The following CYP2A13 variants were observed in gnomAD, a reference collection of about 807,000 sequenced individuals.
CYP2A13 encodes cytochrome P450 family 2 subfamily A member 13.
A neutral mutation model predicts 39.4 loss-of-function variants in CYP2A13; 30 were observed. The observed-to-expected ratio is 0.76, with a 90% CI of 0.57 to 1.03. The LOEUF is 1.03. Ranked by LOEUF, CYP2A13 falls within the 50% of genes least tolerant of loss-of-function variation. The pLI, the probability that CYP2A13 is intolerant of heterozygous loss-of-function variation, is 0.00. For missense variants in CYP2A13, 731 were observed against 648.4 expected (o/e 1.13, Z -1.38); for synonymous variants, 269 against 254.7 (o/e 1.06, Z -0.54).
intron 7 of CYP2A13, 33 bp from the exon 8 acceptor site, chr19:41,094,926 C>T: frequency 6.2e-7 from 1 of 1,612,194 alleles, no homozygotes; most frequent in Non-Finnish European, 8.5e-7. Context: ...CCCCAACCTG[C>T]CTCATTACAC....
At chr19:41,095,377 G>A (rs757582047) in intron 8 of CYP2A13, among the ~76,000 whole-genome samples, 5 of 152,170 alleles carry the variant, frequency 3.3e-5, no homozygotes, top group African/African-American at 9.7e-5. Flanking sequence ...TAATGGCACA[G>A]CACAGCAGTC....
chr19:41,089,723 A>G (rs1343684759), intron 2 of CYP2A13, among the ~76,000 whole-genome samples: 1 of 147,662 alleles, frequency 6.8e-6, no homozygotes, highest in East Asian at 2.0e-4. Flanking sequence ...TCCATGGAGT[A>G]TCCCCGTATC....
Position 41,088,941 on chromosome 19 carries a change from T to A in CYP2A13, c.193T>A (p.Tyr65Asn), listed in dbSNP as rs1247369704. ...YNSLMKISER[Y>N]GPVFTIHLGP... is the part of the protein sequence containing the mutation. The stretch of plus-strand genomic sequence containing the variant: ...CTGCCTCCAACAGATCAGTGAGCGC[T>A]ATGGCCCTGTGTTCACCATTCACTT... Residue 65 changes from tyrosine to asparagine, a missense_variant, in exon 2 of 9, where the codon TAT (tyrosine) becomes AAT (asparagine). Physicochemically the swap from Tyr to Asn is moderately radical, Grantham distance 143. Coordinates refer to ENST00000330436, the MANE Select transcript of CYP2A13 (RefSeq NM_000766.5). The A allele has an allele frequency of 1.2e-6, 2 of 1,614,026 alleles. No individual in the cohort carries two copies.
Position 41,095,765 on chromosome 19 carries a change from C to A in CYP2A13, c.1309C>A (p.Arg437=). The A allele has an allele frequency of 6.2e-7, 1 of 1,614,044 alleles. No individual in the cohort carries two copies. Among genetic ancestry groups the A allele is most frequent in the East Asian group, 2.2e-5 (1 of 44,882 alleles). ...CTCCTGCCTCTCCTCCTCAGGAAAG[C>A]GGTACTGTTTTGGAGAAGGCCTGGC... ...DAFVPFSIGK[R]YCFGEGLARM... The change falls in exon 9 of 9, where the codon CGG becomes AGG. Residue 437 remains arginine (R), a synonymous_variant. Coordinates refer to ENST00000330436, the MANE Select transcript of CYP2A13 (RefSeq NM_000766.5).
chr19:41,090,441 A>C lies in CYP2A13; in HGVS notation c.531A>C (p.Thr177=), dbSNP rs59722942. The change falls in exon 4 of 9, where the codon ACA becomes ACC. Residue 177 remains threonine, a synonymous_variant. Coordinates refer to ENST00000330436, the MANE Select transcript of CYP2A13 (RefSeq NM_000766.5). The part of the protein sequence containing the change: ...NIDPTFFLSR[T]VSNVISSIVF... ...ATCCCACCTTCTTCCTGAGCCGCAC[A>C]GTCTCCAATGTCATCAGCTCCATTG... The C allele has an allele frequency of 2.5e-3, 4,074 of 1,614,098 alleles. 60 individuals carry two copies. The African/African-American group carries it at 0.031, about 12-fold the overall frequency.
At chr19:41,089,757 G>A (rs2031127406) in intron 2 of CYP2A13, among the ~76,000 whole-genome samples, 2 of 143,628 alleles carry the variant, frequency 1.4e-5, no homozygotes, top group South Asian at 2.2e-4. Context: ...GCATCTGTCT[G>A]TCTGGCCTTT....
At chr19:41,093,519 C>T in intron 5 of CYP2A13, 111 bp from the exon 6 acceptor site, 1 of 1,392,280 alleles carries the variant, frequency 7.2e-7, no homozygotes, top group Non-Finnish European at 9.9e-7. Context: ...TCTAGGGTCC[C>T]TCTTTCCACC....
Position 41,090,129 on chromosome 19 carries a change from G to C in CYP2A13, c.426G>C (p.Lys142Asn). 4 of 1,605,794 alleles carry C rather than the reference G, an allele frequency of 2.5e-6. No homozygotes were observed. Among genetic ancestry groups the C allele is most frequent in the Non-Finnish European group, 2.6e-6 (3 of 1,176,028 alleles). ...IATLRGFGVG[K>N]RGIEERIQEE... ...CCCTAAGGGGTTTTGGCGTGGGCAA[G>C]CGCGGCATCGAGGAACGCATCCAGG... Residue 142 changes from lysine (K) to asparagine (N), a missense_variant, in exon 3 of 9, where the codon AAG (lysine) becomes AAC (asparagine). Coordinates refer to ENST00000330436, the MANE Select transcript of CYP2A13 (RefSeq NM_000766.5).
At position 41,089,026 on chromosome 19, in the gene CYP2A13, A is replaced by T. The variant is rs755454861; in HGVS notation, c.278A>T (p.Asp93Val). ...GHDAVKEALV[D>V]QAEEFSGRGE... The stretch of plus-strand genomic sequence containing the variant: ...GATGCCGTCAAGGAGGCTCTGGTGG[A>T]CCAGGCTGAGGAGTTCAGCGGGCGA... The change falls in exon 2 of 9, where the codon GAC becomes GTC. Residue 93 changes from aspartate (D) to valine (V), a missense_variant. Transcript: ENST00000330436. 6.2e-7 allele frequency: 1 copy of T among 1,613,636 alleles called. No individual in the cohort carries two copies.
chr19:41,088,723 A>G (rs1599652740), intron 1 of CYP2A13, 72 bp downstream of exon 1: 15 of 1,574,774 alleles, frequency 9.5e-6, no homozygotes, highest in Admixed American at 1.7e-5. Flanking sequence ...GTGGCAGGGG[A>G]TTGACCAGTG....
Position 41,088,464 on chromosome 19 carries a change from C to T in CYP2A13, c.-8C>T, listed in dbSNP as rs1195138802. ...CCAGCCATCACCATCTATCATCCCA[C>T]TGCCACCATGCTGGCCTCAGGGCTG... On this transcript the variant is annotated 5_prime_UTR_variant, in exon 1 of 9. Coordinates refer to ENST00000330436, the MANE Select transcript of CYP2A13 (RefSeq NM_000766.5). 2 of 1,611,572 alleles carry T rather than the reference C, an allele frequency of 1.2e-6. No individual in the cohort carries two copies. The highest frequency in any genetic ancestry group is 8.5e-7 in the Non-Finnish European group (1 of 1,178,362).
chr19:41,091,615 C>A (rs1433161691), intron 4 of CYP2A13, 117 bp from the exon 5 acceptor site: 7 of 1,470,888 alleles, frequency 4.8e-6, no homozygotes, highest in Non-Finnish European at 2.7e-6. Flanking sequence ...TACCTAAACA[C>A]CTGGACAGAT....
In CYP2A13 at chr19:41,094,999, A is replaced by G. The variant is rs1262070379; in HGVS notation, c.1202A>G (p.Asp401Gly). ...CCTATGCTGGGCTCCGTGCTGAGAG[A>G]CCCCAGGTTCTTCTCCAACCCCCGG... Reference protein sequence around the residue: ...VFPMLGSVLRDPRFFSNPRDF... With the variant: ...VFPMLGSVLRGPRFFSNPRDF... The change falls in exon 8 of 9, where the codon GAC (aspartate) becomes GGC (glycine). Residue 401 changes from aspartate to glycine, a missense_variant. By Grantham distance (94) the Asp-to-Gly change is moderately conservative. Transcript: ENST00000330436. 1 of 1,613,810 alleles carries G rather than the reference A, an allele frequency of 6.2e-7. No individual in the cohort carries two copies. The highest frequency in any genetic ancestry group is 2.2e-5 in the East Asian group (1 of 44,858).
chr19:41,093,798 A>C, intron 6 of CYP2A13, 27 bp downstream of exon 6: 2 of 1,612,794 alleles, frequency 1.2e-6, no homozygotes, highest in Non-Finnish European at 1.7e-6. Flanking sequence ...AGGAAAGTGA[A>C]GGGCCCCAGA....
At chr19:41,095,700 G>A in intron 8 of CYP2A13, 60 bp from the exon 9 acceptor site, 1 of 1,596,998 alleles carries the variant, frequency 6.3e-7, no homozygotes, top group Non-Finnish European at 8.6e-7. Flanking sequence ...GGGGTCAGTA[G>A]GGGTTGAGGC....
In CYP2A13 at chr19:41,095,987, C is replaced by G. The variant is rs750519346; in HGVS notation, c.*46C>G. The G allele has an allele frequency of 2.9e-5, 17 of 589,154 alleles. No individual in the cohort carries two copies. Among genetic ancestry groups the G allele is most frequent in the Non-Finnish European group, 3.6e-5 (15 of 416,704 alleles). The allele number at this position is 589,154 out of a possible 1,614,324, so 36.5% of individuals were successfully genotyped here. A position where few individuals can be genotyped will look rare whatever the true frequency, so the allele number is the denominator to read the frequency against. Reference sequence around the variant, plus strand: ...GGGCTGGTGGGCGGGGCCAGGGAAACGGCCGGGGCAGGGGCGGGGCTTGTG... The same window carrying G: ...GGGCTGGTGGGCGGGGCCAGGGAAAGGGCCGGGGCAGGGGCGGGGCTTGTG... On this transcript the variant is annotated 3_prime_UTR_variant, in exon 9 of 9. Transcript: ENST00000330436.
At chr19:41,092,733 G>A (rs950265316) in intron 5 of CYP2A13, among the ~76,000 whole-genome samples, 1 of 152,136 alleles carries the variant, frequency 6.6e-6, no homozygotes, top group Non-Finnish European at 1.5e-5. Context: ...AGGTGACCTG[G>A]CTTTACATTG....
chr19:41,092,312 TAA>T (rs529985444), intron 5 of CYP2A13, among the ~76,000 whole-genome samples: 1,343 of 53,696 alleles, frequency 0.025, 10 homozygotes, highest in Non-Finnish European at 0.036. Context: ...CAAGACCCTG[TAA>T]AAAAAAAAAA....
chr19:41,094,197 C>T (rs560117381), intron 6 of CYP2A13, 48 bp from the exon 7 acceptor site: 2 of 1,602,122 alleles, frequency 1.2e-6, no homozygotes, highest in East Asian at 4.5e-5. Context: ...ACTATCATCC[C>T]TGCTCTAAGA....
Sources: gnomAD v4.1 joint callset for allele counts (sites outside exome capture counted in the v4.1 genomes callset) on GRCh38, gnomAD v4.1.1 for gene constraint, MANE v1.5 for transcripts, NCBI Gene and HGNC (gene_info 2026-07-23, HGNC 2026-07-21) for gene names.